MACROD2: variants seen among roughly 807,000 people sequenced by gnomAD.
MACROD2 encodes the protein mono-ADP ribosylhydrolase 2, also known as ADP-ribose glycohydrolase MACROD2.
In MACROD2, 36 loss-of-function variants were observed where a neutral mutation model predicts 70.4. The observed-to-expected ratio is 0.51, with a 90% confidence interval of 0.39 to 0.68. The LOEUF (loss-of-function observed/expected upper bound fraction) is 0.68, where lower values mean the gene tolerates loss of function less well. Among genes scored for constraint, MACROD2 ranks in the 30% least tolerant of loss-of-function variants. MACROD2 has a pLI of 0.00. For synonymous variants in MACROD2, 172 were observed against 178.8 expected (o/e 0.96, Z 0.30); for missense variants, 496 against 538.4 (o/e 0.92, Z 0.78).
intron 8 of MACROD2, among the ~76,000 whole-genome samples, chr20:15,512,241 A>G (rs914457190): frequency 1.3e-5 from 2 of 152,232 alleles, no homozygotes; most frequent in Admixed American, 6.5e-5. Flanking sequence ...AAGTTTACAC[A>G]TAATGTAACT....
chr20:16,017,065 C>G (rs553592548), intron 15 of MACROD2, among the ~76,000 whole-genome samples: 1 of 152,144 alleles, frequency 6.6e-6, no homozygotes, highest in Non-Finnish European at 1.5e-5. Context: ...ATTTTATTGT[C>G]TTACCACAGC....
intron 10 of MACROD2, among the ~76,000 whole-genome samples, chr20:15,928,515 C>G (rs1418788953): frequency 6.6e-6 from 1 of 152,218 alleles, no homozygotes; most frequent in Non-Finnish European, 1.5e-5. Flanking sequence ...TAGGCCCCAA[C>G]ATCAGCTAAG....
At position 15,943,283 on chromosome 20, in the gene MACROD2, T is replaced by A. The variant is rs570064781; in HGVS notation, c.907+5739T>A. Among the ~76,000 whole-genome samples the A allele has an allele frequency of 2.0e-4, 30 of 152,316 alleles. No homozygotes were observed. In the South Asian group the frequency reaches 5.6e-3, roughly 28 times the overall value. On this transcript the variant is annotated intron_variant, in intron 12 of 17. Transcript: ENST00000684519. ...CTCTGGAAAACGGCATTGTTTCTGTTCTTTGCCTGAACTGTTGAGGAGAAA... is the reference window on the plus strand; with the variant it reads ...CTCTGGAAAACGGCATTGTTTCTGTACTTTGCCTGAACTGTTGAGGAGAAA...
chr20:14,102,212 C>G (rs994150786), intron 3 of MACROD2, among the ~76,000 whole-genome samples: 2 of 151,596 alleles, frequency 1.3e-5, no homozygotes, highest in African/African-American at 4.8e-5. Flanking sequence ...CCATGATAAC[C>G]AGGATGGTCT....
At chr20:14,750,779 A>C (rs1294206107) in intron 5 of MACROD2, among the ~76,000 whole-genome samples, 1 of 152,106 alleles carries the variant, frequency 6.6e-6, no homozygotes, top group African/African-American at 2.4e-5. Context: ...ATTTTAATTA[A>C]TATAAATAAT....
At chr20:14,354,535 G>T (rs1338614622) in intron 3 of MACROD2, among the ~76,000 whole-genome samples, 8 of 152,086 alleles carry the variant, frequency 5.3e-5, no homozygotes, top group Admixed American at 2.0e-4. Flanking sequence ...GTGTCTGCAA[G>T]ACTAAAATTA....
intron 3 of MACROD2, among the ~76,000 whole-genome samples, chr20:14,372,636 C>T (rs117250582): frequency 1.3e-5 from 2 of 152,080 alleles, no homozygotes; most frequent in Admixed American, 6.6e-5. Flanking sequence ...ACCGTTACCC[C>T]CAGCTCTCAG....
At chr20:14,127,578 G>C in intron 3 of MACROD2, 1 of 478,266 alleles carries the variant, frequency 2.1e-6, no homozygotes, top group Non-Finnish European at 3.9e-6. Context: ...GAAACTTTGA[G>C]TAGGAAACTG....
chr20:16,044,547 C>CTTTTTTT, intron 16 of MACROD2, 24 bp from the exon 17 acceptor site: 1 of 1,329,614 alleles, frequency 7.5e-7, no homozygotes, highest in Admixed American at 1.9e-5. Flanking sequence ...GAATATTTAA[C>CTTTTTTT]TTTTTTTTTT....
At chr20:15,468,932 G>T (rs1377355783) in intron 7 of MACROD2, among the ~76,000 whole-genome samples, 1 of 152,138 alleles carries the variant, frequency 6.6e-6, no homozygotes, top group Non-Finnish European at 1.5e-5. Context: ...TGGAATTTCT[G>T]TTCACTTTGC....
chr20:15,102,848 A>G (rs1479217756), intron 5 of MACROD2, among the ~76,000 whole-genome samples: 1 of 152,068 alleles, frequency 6.6e-6, no homozygotes, highest in Non-Finnish European at 1.5e-5. Flanking sequence ...ACAGCTGTAC[A>G]CAGTGAAAAT....
intron 4 of MACROD2, among the ~76,000 whole-genome samples, chr20:14,582,419 G>A (rs76994140): frequency 0.01 from 1,546 of 152,038 alleles, 27 homozygotes; most frequent in African/African-American, 0.036. Flanking sequence ...CTGTGAGTTG[G>A]TTGCCTTAAG....
At chr20:14,757,621 C>A in intron 5 of MACROD2, 2 of 1,187,986 alleles carry the variant, frequency 1.7e-6, no homozygotes, top group Non-Finnish European at 1.2e-6. Context: ...AGGAGGGAGT[C>A]ATGGTGGCCA....
chr20:14,566,088 G>C (rs144064613), intron 4 of MACROD2, among the ~76,000 whole-genome samples: 11 of 151,858 alleles, frequency 7.2e-5, no homozygotes, highest in Non-Finnish European at 1.2e-4. Flanking sequence ...GATGACAAAT[G>C]ATATACTGGG....
chr20:15,876,456 T>C (rs1381349436), intron 9 of MACROD2, among the ~76,000 whole-genome samples: 1 of 152,162 alleles, frequency 6.6e-6, no homozygotes, highest in Non-Finnish European at 1.5e-5. Flanking sequence ...TCCTTTTTTA[T>C]GGCTGCATAG....
chr20:14,736,210 A>G (rs986269922), intron 5 of MACROD2, among the ~76,000 whole-genome samples: 4 of 152,198 alleles, frequency 2.6e-5, no homozygotes, highest in African/African-American at 9.7e-5. Flanking sequence ...ACATTACACT[A>G]AGTGAAAAAA....
At chr20:15,902,657 G>T (rs572419232) in intron 10 of MACROD2, among the ~76,000 whole-genome samples, 1 of 151,994 alleles carries the variant, frequency 6.6e-6, no homozygotes, top group South Asian at 2.1e-4. Flanking sequence ...TAAGGCAGCC[G>T]CCATGTATGA....
intron 10 of MACROD2, among the ~76,000 whole-genome samples, chr20:15,918,754 C>G (rs183921940): frequency 1.2e-4 from 19 of 152,200 alleles, no homozygotes; most frequent in African/African-American, 3.9e-4. Context: ...GTCTGCCTTA[C>G]GGGTAGTGTG....
chr20:14,282,296 G>T (rs1015481434), intron 3 of MACROD2, among the ~76,000 whole-genome samples: 2 of 152,180 alleles, frequency 1.3e-5, no homozygotes, highest in African/African-American at 4.8e-5. Flanking sequence ...TTAAAGGTTA[G>T]TTGAATGTAG....
Sources: allele counts gnomAD v4.1 joint callset (sites outside exome capture counted in the v4.1 genomes callset), GRCh38; gene constraint gnomAD v4.1.1; transcripts MANE v1.5; gene names NCBI Gene and HGNC (gene_info 2026-07-23, HGNC 2026-07-21).